ADGRV1: variants seen among roughly 807,000 people sequenced by gnomAD.
The protein encoded by ADGRV1 is adhesion G protein-coupled receptor V1, also known as G-protein coupled receptor 98.
In ADGRV1, 359 loss-of-function variants were observed where a neutral mutation model predicts 596.2. The observed-to-expected ratio is 0.60, with a 90% CI of 0.55 to 0.66. The LOEUF (loss-of-function observed/expected upper bound fraction) is 0.66. ADGRV1 is among the 30% of genes least tolerant of loss of function. The probability of loss-of-function intolerance (pLI) is 0.00; values close to 1 mark genes in which losing one functional copy is unlikely to be tolerated. For missense variants in ADGRV1, 7,274 were observed against 7,575.6 expected (o/e 0.96, Z 1.48); for synonymous variants, 2,681 against 2,679.2 (o/e 1.00, Z -0.02).
intron 52 of ADGRV1, among the ~76,000 whole-genome samples, chr5:90,748,359 G>A (rs995282078): frequency 6.6e-6 from 1 of 152,144 alleles, no homozygotes; most frequent in Non-Finnish European, 1.5e-5. Context: ...GTAGAAAGAA[G>A]CAGGTCACTT....
In ADGRV1 at chr5:91,078,172, A is replaced by G. The variant is rs541250917; in HGVS notation, c.18310+5568A>G. Among the ~76,000 whole-genome samples, 13 of 152,266 alleles carry G rather than the reference A, an allele frequency of 8.5e-5. No individual in the cohort carries two copies. The South Asian group carries it at 1.2e-3, about 15-fold the overall frequency. On this transcript the variant is annotated intron_variant, in intron 86 of 89. Transcript: ENST00000405460. The stretch of plus-strand genomic sequence containing the variant: ...TTCCATTTCTTCAACCTTAGAGTGA[A>G]CAACAATAGTAATATAAATCAATAT...
chr5:91,137,249 C>G (rs532503993), intron 87 of ADGRV1, among the ~76,000 whole-genome samples: 1 of 152,192 alleles, frequency 6.6e-6, no homozygotes, highest in East Asian at 1.9e-4. Flanking sequence ...CTGTACCCAG[C>G]CCTTTGTTTT....
At chr5:90,593,798 A>G (rs536404460) in intron 1 of ADGRV1, among the ~76,000 whole-genome samples, 4 of 152,164 alleles carry the variant, frequency 2.6e-5, no homozygotes, top group East Asian at 1.9e-4. Context: ...TGATCTTGGT[A>G]GGAGTTTTTT....
chr5:90,936,161 A>G (rs1039610533), intron 83 of ADGRV1, among the ~76,000 whole-genome samples: 2 of 152,174 alleles, frequency 1.3e-5, no homozygotes, highest in African/African-American at 4.8e-5. Flanking sequence ...GTTCTGCAGT[A>G]TTCTTCCAAT....
chr5:90,708,804 T>C lies in ADGRV1; in HGVS notation c.8731-12T>C. ...TATAACTAAAGGAATTTAATGAGTGTAATTTTTTCAGGATGATGTACCAGA... is the reference window on the plus strand; with the variant it reads ...TATAACTAAAGGAATTTAATGAGTGCAATTTTTTCAGGATGATGTACCAGA... On this transcript the variant is annotated splice_polypyrimidine_tract_variant and intron_variant, in intron 38 of 89. Transcript: ENST00000405460. 1 of 1,567,080 alleles carries C rather than the reference T, an allele frequency of 6.4e-7. No homozygotes were observed.
intron 83 of ADGRV1, among the ~76,000 whole-genome samples, chr5:90,953,196 A>G (rs1351579314): frequency 1.3e-5 from 2 of 152,190 alleles, no homozygotes; most frequent in East Asian, 3.8e-4. Context: ...AATAGCAAAA[A>G]GAGAACTGAG....
At chr5:90,664,419 G>C (rs1169063061) in intron 21 of ADGRV1, among the ~76,000 whole-genome samples, 1 of 151,996 alleles carries the variant, frequency 6.6e-6, no homozygotes, top group Non-Finnish European at 1.5e-5. Flanking sequence ...CTGTTTGCCT[G>C]TTGTTGGTGT....
At chr5:91,143,558 G>A (rs1490075349) in intron 87 of ADGRV1, among the ~76,000 whole-genome samples, 1 of 152,336 alleles carries the variant, frequency 6.6e-6, no homozygotes, top group Non-Finnish European at 1.5e-5. Context: ...CCACAGGCAG[G>A]TCGTCCCATC....
intron 87 of ADGRV1, among the ~76,000 whole-genome samples, chr5:91,113,244 A>G (rs1279862929): frequency 6.6e-6 from 1 of 152,132 alleles, no homozygotes; most frequent in Non-Finnish European, 1.5e-5. Flanking sequence ...TTGTGAGACT[A>G]TAGGGATCAG....
In ADGRV1 at chr5:91,063,849, G is replaced by C. The variant is rs201043220; in HGVS notation, c.18153-8598G>C. Among the ~76,000 whole-genome samples the C allele has an allele frequency of 7.3e-5, 8 of 109,240 alleles. No individual in the cohort carries two copies. In the East Asian group the frequency reaches 2.0e-3, roughly 28 times the overall value. 71.7% of individuals were successfully genotyped at this position (109,240 alleles called of 152,430 possible). On this transcript the variant is annotated intron_variant, in intron 85 of 89. Coordinates refer to ENST00000405460, the MANE Select transcript of ADGRV1 (RefSeq NM_032119.4). ...ATTCAGGAGCTCCATAGGGGAGCTG[G>C]TGGTGGTGGTGGTGGTGGTGGTGGT...
chr5:90,676,140 A>G lies in ADGRV1; in HGVS notation c.5374A>G (p.Ile1792Val). ...GERYKYIFIN[I>V]TDNSIPELEK... The stretch of plus-strand genomic sequence containing the variant: ...AAGATATAAATACATTTTCATAAAC[A>G]TCACTGATAATTCTATTCCTGAACT... Residue 1792 changes from isoleucine to valine, a missense_variant, in exon 25 of 90, where the codon ATC becomes GTC. By Grantham distance (29) the Ile-to-Val change is conservative (BLOSUM62 3). Around this residue, in one of 5 missense-constraint regions of ADGRV1, gnomAD observed 3,643 missense variants for 3,809.2 expected, o/e 0.96. Coordinates refer to ENST00000405460, the MANE Select transcript of ADGRV1 (RefSeq NM_032119.4). 1 of 1,605,346 alleles carries G rather than the reference A, an allele frequency of 6.2e-7. No individual in the cohort carries two copies. Among genetic ancestry groups the G allele is most frequent in the Non-Finnish European group, 8.5e-7 (1 of 1,174,540 alleles).
At chr5:90,736,560 A>C (rs1352270218) in intron 50 of ADGRV1, among the ~76,000 whole-genome samples, 2 of 152,004 alleles carry the variant, frequency 1.3e-5, no homozygotes, top group African/African-American at 4.8e-5. Flanking sequence ...TGCTCTTGAA[A>C]TGTTTGGTAG....
At chr5:90,973,588 CA>C (rs1351348887) in intron 84 of ADGRV1, among the ~76,000 whole-genome samples, 1 of 152,094 alleles carries the variant, frequency 6.6e-6, no homozygotes, top group East Asian at 1.9e-4. Flanking sequence ...TAAACAGAAC[CA>C]AAGACAAAAA....
chr5:90,740,457 G>A (rs146015349), intron 50 of ADGRV1, among the ~76,000 whole-genome samples: 6 of 152,304 alleles, frequency 3.9e-5, no homozygotes, highest in African/African-American at 1.2e-4. Context: ...TCAACATGCC[G>A]CTATCTCCTG....
chr5:90,561,400 C>T (rs945331656), intron 1 of ADGRV1, among the ~76,000 whole-genome samples: 10 of 152,144 alleles, frequency 6.6e-5, no homozygotes, highest in African/African-American at 2.4e-4. Flanking sequence ...TATACATTCT[C>T]ATAAACTATT....
Position 90,740,081 on chromosome 5 carries a change from C to T in ADGRV1, c.10550-4965C>T, listed in dbSNP as rs75842434. 3.9e-3 allele frequency among the ~76,000 whole-genome samples: 598 copies of T among 152,180 alleles called. 4 individuals are homozygous for T. Among genetic ancestry groups the T allele is most frequent in the African/African-American group, 0.014 (575 of 41,520 alleles). On this transcript the variant is annotated intron_variant, in intron 50 of 89. Coordinates refer to ENST00000405460, the MANE Select transcript of ADGRV1 (RefSeq NM_032119.4). ...CCTGCTTTTAACTTCTAGCTTGGAG[C>T]GAAGTTAAGGAAAGTACTGGGGCTT...
At chr5:90,769,541 A>G (rs770938692) in intron 59 of ADGRV1, among the ~76,000 whole-genome samples, 1 of 152,212 alleles carries the variant, frequency 6.6e-6, no homozygotes, top group Non-Finnish European at 1.5e-5. Context: ...TTTTATCTCT[A>G]CCTTTTCCTC....
At chr5:91,161,484 A>G (rs1162241867) in intron 89 of ADGRV1, among the ~76,000 whole-genome samples, 1 of 123,956 alleles carries the variant, frequency 8.1e-6, no homozygotes, top group African/African-American at 2.9e-5. Flanking sequence ...ATGTTGCCTG[A>G]TCTTCTGGTT....
rs756969604 is a variant in ADGRV1 at position 90,763,419 on chromosome 5, A to G, written c.12235A>G (p.Lys4079Glu). The G allele has an allele frequency of 5.9e-5, 95 of 1,613,640 alleles. No homozygotes were observed. The highest frequency in any genetic ancestry group is 7.6e-5 in the Non-Finnish European group (90 of 1,179,718). The change falls in exon 59 of 90, where the codon AAG becomes GAG. Residue 4079 changes from lysine to glutamate, a missense_variant. Physicochemically the swap from Lys to Glu is moderately conservative, Grantham distance 56. Coordinates refer to ENST00000405460, the MANE Select transcript of ADGRV1 (RefSeq NM_032119.4). ...CCGACTTGAGTGGACCATAGATGAG[A>G]AGGCTAAACATAACCTTAGTCCTTT... ...TVRLEWTIDE[K>E]AKHNLSPLNG...
Sources: allele counts gnomAD v4.1 joint callset (sites outside exome capture counted in the v4.1 genomes callset), GRCh38; gene constraint gnomAD v4.1.1; regional missense constraint gnomAD v4.1.1; transcripts MANE v1.5; gene names NCBI Gene and HGNC (gene_info 2026-07-23, HGNC 2026-07-21).